Variants in PPP2R5A observed in about 807,000 individuals in gnomAD.
PPP2R5A encodes serine/threonine-protein phosphatase 2A 56 kDa regulatory subunit alpha isoform.
A neutral mutation model predicts 64.2 loss-of-function variants in PPP2R5A; 25 were observed. The observed-to-expected ratio is 0.39, with a 90% CI of 0.28 to 0.54. The LOEUF (loss-of-function observed/expected upper bound fraction) is 0.54. Ranked by LOEUF, PPP2R5A falls within the 20% of genes least tolerant of loss-of-function variation. PPP2R5A has a pLI of 0.67. For missense variants in PPP2R5A, 425 were observed against 576.3 expected, an observed-to-expected ratio of 0.74 and a Z score of 2.69; for synonymous variants, 198 against 201.2, an observed-to-expected ratio of 0.98 and a Z score of 0.13.
At chr1:212,343,201 C>T (rs1558152341) in intron 4 of PPP2R5A, among the ~76,000 whole-genome samples, 2 of 152,166 alleles carry the variant, frequency 1.3e-5, no homozygotes, top group East Asian at 1.9e-4. Flanking sequence ...GATCCTCCCA[C>T]CTCAGCCTCC....
intron 9 of PPP2R5A, 115 bp from the exon 10 acceptor site, chr1:212,356,835 C>A: frequency 7.9e-7 from 1 of 1,273,436 alleles, no homozygotes; most frequent in Non-Finnish European, 1.1e-6. Context: ...CTCTGCCATC[C>A]AGACATTTTT....
intron 1 of PPP2R5A, among the ~76,000 whole-genome samples, chr1:212,305,064 A>C (rs1273459333): frequency 7.3e-5 from 8 of 110,122 alleles, no homozygotes; most frequent in Non-Finnish European, 1.2e-4. Context: ...TTTGAGACGG[A>C]GTCTCGCTCT....
intron 1 of PPP2R5A, among the ~76,000 whole-genome samples, chr1:212,314,003 A>G (rs1429728777): frequency 6.6e-6 from 1 of 152,248 alleles, no homozygotes; most frequent in Non-Finnish European, 1.5e-5. Flanking sequence ...TCATCCATGA[A>G]TATAATATAT....
intron 1 of PPP2R5A, among the ~76,000 whole-genome samples, chr1:212,294,245 C>A (rs184340099): frequency 6.6e-6 from 1 of 152,032 alleles, no homozygotes; most frequent in Non-Finnish European, 1.5e-5. Context: ...GTTATTTGAA[C>A]TCATTGTTAA....
chr1:212,328,579 A>G (rs961698059), intron 1 of PPP2R5A, among the ~76,000 whole-genome samples: 3 of 152,190 alleles, frequency 2.0e-5, no homozygotes, highest in Non-Finnish European at 4.4e-5. Context: ...TTGGAGTATC[A>G]TTGAAAAACA....
Position 212,360,620 on chromosome 1 carries a change from AT to A in PPP2R5A, c.1329-14del, listed in dbSNP as rs780989152. 4 of 1,534,622 alleles carry A rather than the reference AT, an allele frequency of 2.6e-6. No individual in the cohort carries two copies. The highest frequency in any genetic ancestry group is 4.5e-5 in the East Asian group (2 of 44,048). ...TCTGAAATAATTTCTGATTACAAAA[AT>A]TTTGGTTTATCTACAGAGAGAAAAA... On this transcript the variant is annotated splice_polypyrimidine_tract_variant and intron_variant, in intron 12 of 12. Transcript: ENST00000261461.
At chr1:212,306,190 G>C (rs1658897672) in intron 1 of PPP2R5A, among the ~76,000 whole-genome samples, 1 of 152,156 alleles carries the variant, frequency 6.6e-6, no homozygotes, top group South Asian at 2.1e-4. Flanking sequence ...GCACGTAAAG[G>C]AAAGTGGAGA....
intron 9 of PPP2R5A, 25 bp downstream of exon 9, chr1:212,356,701 T>A (rs1659983204): frequency 1.2e-6 from 2 of 1,604,148 alleles, no homozygotes; most frequent in South Asian, 2.2e-5. Context: ...CTAAATGTAG[T>A]GCATTTTACT....
Position 212,323,480 on chromosome 1 carries a change from C to G in PPP2R5A, c.182-5655C>G, listed in dbSNP as rs551979570. Among the ~76,000 whole-genome samples, 5 of 152,270 alleles carry G rather than the reference C, an allele frequency of 3.3e-5. No individual in the cohort carries two copies. In the South Asian group the frequency reaches 1.0e-3, roughly 32 times the overall value. ...TTATTAGGAAAAGATCTTTCTATAT[C>G]ATAATACCTAAAAATAATCAAGAAT... is the stretch of plus-strand genomic sequence containing the variant. On this transcript the variant is annotated intron_variant, in intron 1 of 12. Coordinates refer to ENST00000261461, the MANE Select transcript of PPP2R5A (RefSeq NM_006243.4).
chr1:212,346,157 C>A (rs569949915), intron 5 of PPP2R5A, among the ~76,000 whole-genome samples: 47 of 151,926 alleles, frequency 3.1e-4, no homozygotes, highest in Non-Finnish European at 6.0e-4. Flanking sequence ...TGCACCACCA[C>A]GCCTGGGTAA....
rs539072697 is a variant in PPP2R5A at position 212,289,451 on chromosome 1, C to G, written c.181+3160C>G. ...AGGCCTAAAAAGAATAGTTTCTGGC[C>G]TGTGATTACTTATCTGGATGATGTT... is the stretch of plus-strand genomic sequence containing the variant. On this transcript the variant is annotated intron_variant, in intron 1 of 12. Transcript: ENST00000261461. 2.0e-5 allele frequency among the ~76,000 whole-genome samples: 3 copies of G among 152,248 alleles called. No homozygotes were observed. The South Asian group carries it at 6.2e-4, about 32-fold the overall frequency.
At chr1:212,324,368 T>C (rs890551116) in intron 1 of PPP2R5A, among the ~76,000 whole-genome samples, 1 of 152,144 alleles carries the variant, frequency 6.6e-6, no homozygotes, top group Non-Finnish European at 1.5e-5. Flanking sequence ...ACATAAGCAG[T>C]CTGTTGTTGA....
At chr1:212,326,316 G>A (rs1371387788) in intron 1 of PPP2R5A, among the ~76,000 whole-genome samples, 2 of 151,676 alleles carry the variant, frequency 1.3e-5, no homozygotes, top group Admixed American at 1.3e-4. Context: ...TCCTGAATCA[G>A]GGTGAGGTGG....
intron 5 of PPP2R5A, among the ~76,000 whole-genome samples, chr1:212,346,284 A>ATG (rs1659776542): frequency 6.6e-6 from 1 of 152,054 alleles, no homozygotes; most frequent in South Asian, 2.1e-4. Context: ...CGTAGTATAT[A>ATG]TGTAACATAC....
intron 8 of PPP2R5A, among the ~76,000 whole-genome samples, chr1:212,353,645 A>G (rs1377238507): frequency 6.6e-6 from 1 of 152,140 alleles, no homozygotes; most frequent in Non-Finnish European, 1.5e-5. Flanking sequence ...ATCTTGTTTT[A>G]GTTGCTGATA....
intron 1 of PPP2R5A, chr1:212,309,223 A>G (rs961181106): frequency 2.5e-5 from 35 of 1,418,924 alleles, no homozygotes; most frequent in African/African-American, 2.8e-5. Context: ...AACATCCACA[A>G]TGAACACAAG....
intron 6 of PPP2R5A, 58 bp from the exon 7 acceptor site, chr1:212,348,331 G>T: frequency 9.1e-7 from 1 of 1,097,550 alleles, no homozygotes; most frequent in Non-Finnish European, 1.4e-6. Context: ...GGATATGACA[G>T]CTTTTAGAAA....
Position 212,358,673 on chromosome 1 carries a change from A to G in PPP2R5A, c.1227-13A>G. On this transcript the variant is annotated splice_polypyrimidine_tract_variant and intron_variant, in intron 11 of 12. Transcript: ENST00000261461. ...CAGTATCATAACTCAGGACTGGCTC[A>G]TTTTCATTTCAGGACCATTGTAGCA... is the stretch of plus-strand genomic sequence containing the variant. 1.9e-6 allele frequency: 3 copies of G among 1,596,822 alleles called. No homozygotes were observed. Among genetic ancestry groups the G allele is most frequent in the Non-Finnish European group, 2.6e-6 (3 of 1,166,210 alleles).
At chr1:212,307,356 G>A (rs1456657976) in intron 1 of PPP2R5A, among the ~76,000 whole-genome samples, 1 of 151,164 alleles carries the variant, frequency 6.6e-6, no homozygotes, top group East Asian at 1.9e-4. Flanking sequence ...CTAGTGAGAT[G>A]TAGAATCATT....
Sources: gnomAD v4.1 joint callset for allele counts (sites outside exome capture counted in the v4.1 genomes callset) on GRCh38, gnomAD v4.1.1 for gene constraint, MANE v1.5 for transcripts, NCBI Gene and HGNC (gene_info 2026-07-23, HGNC 2026-07-21) for gene names.